ZNF84: variants seen among roughly 807,000 people sequenced by gnomAD.
ZNF84 encodes zinc finger protein HPF2.
A neutral mutation model predicts 14.8 loss-of-function variants in ZNF84; 12 were observed. The ratio of observed to expected loss-of-function variants is 0.81; its 90% CI spans 0.52 to 1.31. ZNF84 has a LOEUF of 1.31. Ranked by LOEUF, ZNF84 falls within the 50% of genes most tolerant of loss-of-function variation. The pLI, the probability that ZNF84 is intolerant of heterozygous loss-of-function variation, is 0.00. For missense variants in ZNF84, 859 were observed against 878.6 expected (o/e 0.98, Z 0.28); for synonymous variants, 347 against 291.1 (o/e 1.19, Z -1.96).
chr12:133,047,093 G>T (rs1468479468), intron 2 of ZNF84, among the ~76,000 whole-genome samples: 1 of 151,132 alleles, frequency 6.6e-6, no homozygotes, highest in East Asian at 1.9e-4. Context: ...GAGCCACCTT[G>T]CCTATCCTAT....
Position 133,058,888 on chromosome 12 carries a change from C to T in ZNF84, c.2173C>T (p.Gln725Ter). ...ECGKAFSQKS[Q>*]LINHQRTHTV... ...TGGGAAAGCTTTCTCACAGAAGTCA[C>T]AGCTCATCAATCATCAGAGAACTCA... Residue 725 changes from glutamine to a stop codon, truncating the protein, a stop_gained, in exon 5 of 5, where the codon CAG becomes TAG. Transcript: ENST00000539354. LOFTEE classifies it high-confidence loss of function. The T allele has an allele frequency of 6.2e-7, 1 of 1,612,468 alleles. No individual in the cohort carries two copies. The highest frequency in any genetic ancestry group is 1.3e-5 in the African/African-American group (1 of 74,982).
In ZNF84 at chr12:133,062,800, CTT is replaced by C; in HGVS notation, c.*3872_*3873del. 5.4e-6 allele frequency: 2 copies of C among 371,770 alleles called. No homozygotes were observed. The highest frequency in any genetic ancestry group is 2.0e-5 in the African/African-American group (1 of 49,618). The allele number at this position is 371,770 out of a possible 1,614,324, so 23.0% of individuals were successfully genotyped here. ...CCTATCTATCTATCATTTCTGAAAA[CTT>C]TTTCCTCCTATGCAATATTTTCTGG... On this transcript the variant is annotated 3_prime_UTR_variant, in exon 5 of 5. Transcript: ENST00000539354.
chr12:133,041,078 A>G (rs1351752237), intron 1 of ZNF84, 200 bp from the exon 2 acceptor site: 1 of 221,196 alleles, frequency 4.5e-6, no homozygotes, highest in African/African-American at 2.3e-5. Context: ...TTTATTTCTG[A>G]TATTTCCTTA....
chr12:133,046,347 GTTTTTTTTTTTTTTTTTT>G (rs58214468), intron 2 of ZNF84, among the ~76,000 whole-genome samples: 60,375 of 116,646 alleles, frequency 0.52, 16,229 homozygotes, highest in East Asian at 0.79. Context: ...AGTCCTCACA[GTTTTTTTTTTTTTTTTTT>G]TTTTTTTTTT....
chr12:133,038,826 T>C (rs1953835666), intron 1 of ZNF84: 1 of 152,174 alleles, frequency 6.6e-6, no homozygotes, highest in South Asian at 2.1e-4. Context: ...CAATTATGAG[T>C]CGGATTTTAT....
chr12:133,061,367 T>G lies in ZNF84; in HGVS notation c.*2435T>G, dbSNP rs61953746. Reference sequence around the variant, plus strand: ...TGTGCGTGCCTGTAATCCCAGTTACTCAGGAGGCTGAGGCAGGAGAATCAC... The same window carrying G: ...TGTGCGTGCCTGTAATCCCAGTTACGCAGGAGGCTGAGGCAGGAGAATCAC... On this transcript the variant is annotated 3_prime_UTR_variant, in exon 5 of 5. Transcript: ENST00000539354. 26,959 of 152,096 alleles carry G rather than the reference T, an allele frequency of 0.18. 3,060 individuals are homozygous for G. Among genetic ancestry groups the G allele is most frequent in the Non-Finnish European group, 0.25 (17,138 of 68,018 alleles). The allele number at this position is 152,096 out of a possible 1,614,324, so 9.4% of individuals were successfully genotyped here. A position where few individuals can be genotyped will look rare whatever the true frequency, so the allele number is the denominator to read the frequency against.
In ZNF84 at chr12:133,057,106, G is replaced by T; in HGVS notation, c.391G>T (p.Asp131Tyr). 1 of 1,612,726 alleles carries T rather than the reference G, an allele frequency of 6.2e-7. No individual in the cohort carries two copies. Among genetic ancestry groups the T allele is most frequent in the South Asian group, 1.1e-5 (1 of 90,476 alleles). The change falls in exon 5 of 5, where the codon GAC becomes TAC. Residue 131 changes from aspartate (D) to tyrosine (Y), a missense_variant. Transcript: ENST00000539354. ...VPLRKSNSEG[D>Y]LDGLILKHHL... ...TTTAAGGAAATCAAACAGTGAAGGT[G>T]ACTTAGATGGATTGATTTTAAAACA...
rs961254021 is a variant in ZNF84 at position 133,057,325 on chromosome 12, G to A, written c.610G>A (p.Glu204Lys). Residue 204 changes from glutamate to lysine, a missense_variant, in exon 5 of 5, where the codon GAG (glutamate) becomes AAG (lysine). Coordinates refer to ENST00000539354, the MANE Select transcript of ZNF84 (RefSeq NM_001289971.2). The stretch of plus-strand genomic sequence containing the variant: ...CATATATCATAGAAATCGTTTAGGG[G>A]AGAAACTCTATGAATGCAGTGAATG... Reference protein sequence around the residue: ...IIIYHRNRLGEKLYECSECRK... With the variant: ...IIIYHRNRLGKKLYECSECRK... The A allele has an allele frequency of 1.2e-6, 2 of 1,613,410 alleles. No homozygotes were observed. Among genetic ancestry groups the A allele is most frequent in the Non-Finnish European group, 1.7e-6 (2 of 1,179,888 alleles).
chr12:133,048,777 T>C lies in ZNF84; in HGVS notation c.167T>C (p.Val56Ala), dbSNP rs1954026765. The C allele has an allele frequency of 1.2e-6, 2 of 1,613,848 alleles. No individual in the cohort carries two copies. Among genetic ancestry groups the C allele is most frequent in the Non-Finnish European group, 1.7e-6 (2 of 1,179,848 alleles). Residue 56 changes from valine (V) to alanine (A), a missense_variant, in exon 4 of 5, where the codon GTC becomes GCC. Physicochemically the swap from Val to Ala is moderately conservative, Grantham distance 64. Coordinates refer to ENST00000539354, the MANE Select transcript of ZNF84 (RefSeq NM_001289971.2). ...SLGYEVMKPD[V>A]IFKLEQGEEP... The stretch of plus-strand genomic sequence containing the variant: ...GGGTATGAAGTTATGAAACCAGATG[T>C]CATCTTCAAATTGGAGCAAGGAGAA...
intron 2 of ZNF84, among the ~76,000 whole-genome samples, chr12:133,046,256 C>T (rs1451239736): frequency 6.6e-6 from 1 of 151,756 alleles, no homozygotes; most frequent in Non-Finnish European, 1.5e-5. Flanking sequence ...CCACATTCTG[C>T]CCCAGCCCCA....
Position 133,058,457 on chromosome 12 carries a change from C to G in ZNF84, c.1742C>G (p.Ser581Cys). ...YECRDCEKAF[S>C]QKSQLNTHQR... ...TGCAGGGACTGTGAAAAAGCTTTCT[C>G]CCAGAAATCACAGCTAAATACCCAT... The change falls in exon 5 of 5, where the codon TCC becomes TGC. Residue 581 changes from serine to cysteine, a missense_variant. Transcript: ENST00000539354. The G allele has an allele frequency of 6.2e-7, 1 of 1,613,862 alleles. No individual in the cohort carries two copies. Among genetic ancestry groups the G allele is most frequent in the Non-Finnish European group, 8.5e-7 (1 of 1,179,974 alleles).
chr12:133,048,880 G>C, intron 4 of ZNF84, 32 bp downstream of exon 4: 1 of 1,568,300 alleles, frequency 6.4e-7, no homozygotes, highest in Non-Finnish European at 8.8e-7. Flanking sequence ...AGATGGGAGA[G>C]AGCAGAAGCC....
intron 2 of ZNF84, among the ~76,000 whole-genome samples, chr12:133,045,729 C>G (rs1359573048): frequency 6.6e-6 from 1 of 152,094 alleles, no homozygotes; most frequent in African/African-American, 2.4e-5. Context: ...TATGATGTGT[C>G]TGGGTATGGA....
rs1954192349 is a variant in ZNF84, at chr12:133,058,020, G to A, written c.1305G>A (p.Gln435=). Residue 435 remains glutamine (Q), a synonymous_variant, in exon 5 of 5, where the codon CAG becomes CAA. Coordinates refer to ENST00000539354, the MANE Select transcript of ZNF84 (RefSeq NM_001289971.2). The part of the protein sequence containing the change: ...HTGEKPHGCI[Q]CGKAFSQKSH... ...GAGAGAAACCTCATGGATGCATTCA[G>A]TGTGGGAAGGCCTTCTCCCAGAAGT... The A allele has an allele frequency of 5.0e-6, 8 of 1,612,570 alleles. No homozygotes were observed. The highest frequency in any genetic ancestry group is 2.2e-5 in the East Asian group (1 of 44,704).
intron 4 of ZNF84, among the ~76,000 whole-genome samples, chr12:133,051,645 A>T (rs1954071276): frequency 6.6e-6 from 1 of 152,258 alleles, no homozygotes; most frequent in Admixed American, 6.5e-5. Flanking sequence ...CATGTGTTTG[A>T]TGTTTCTGCC....
At chr12:133,056,926 A>G in intron 4 of ZNF84, 28 bp from the exon 5 acceptor site, 1 of 1,532,056 alleles carries the variant, frequency 6.5e-7, no homozygotes, top group Non-Finnish European at 8.7e-7. Flanking sequence ...AAGCACAACC[A>G]AACAGATTGT....
chr12:133,039,211 TG>T (rs1315063277), intron 1 of ZNF84, among the ~76,000 whole-genome samples: 1 of 152,218 alleles, frequency 6.6e-6, no homozygotes, highest in East Asian at 1.9e-4. Context: ...GAAACTGCTG[TG>T]TGTTTCTGAG....
At position 133,058,184 on chromosome 12, in the gene ZNF84, G is replaced by A. The variant is rs972748544; in HGVS notation, c.1469G>A (p.Ser490Asn). ...ACGGGAGAAAAACCGTATGAATGCA[G>A]TGAGTGTGGGAAAGCTTTCAGTGAA... ...THTGEKPYEC[S>N]ECGKAFSEKL... The change falls in exon 5 of 5, where the codon AGT becomes AAT. Residue 490 changes from serine to asparagine, a missense_variant. Coordinates refer to ENST00000539354, the MANE Select transcript of ZNF84 (RefSeq NM_001289971.2). 1.9e-6 allele frequency: 3 copies of A among 1,613,936 alleles called. No homozygotes were observed. The South Asian group carries it at 3.3e-5, about 18-fold the overall frequency.
In ZNF84 at chr12:133,047,359, C is replaced by T. The variant is rs1031414274; in HGVS notation, c.16-596C>T. Among the ~76,000 whole-genome samples, 12 of 152,240 alleles carry T rather than the reference C, an allele frequency of 7.9e-5. No homozygotes were observed. The East Asian group carries it at 1.7e-3, about 22-fold the overall frequency. On this transcript the variant is annotated intron_variant, in intron 2 of 4. Transcript: ENST00000539354. Reference sequence around the variant, plus strand: ...CAAAAGACTGCAAAAGCCACAGCCTCGTACAAAGGCCATTGAAGCCTTACA... The same window carrying T: ...CAAAAGACTGCAAAAGCCACAGCCTTGTACAAAGGCCATTGAAGCCTTACA...
Sources: allele counts gnomAD v4.1 joint callset (sites outside exome capture counted in the v4.1 genomes callset), GRCh38; gene constraint gnomAD v4.1.1; transcripts MANE v1.5; gene names NCBI Gene and HGNC (gene_info 2026-07-23, HGNC 2026-07-21).